Variants in DLG2 observed in about 807,000 individuals in gnomAD.
DLG2 encodes discs large MAGUK scaffold protein 2.
A neutral mutation model predicts 132.5 loss-of-function variants in DLG2; 45 were observed. The observed-to-expected ratio is 0.34, with a 90% confidence interval of 0.27 to 0.44. The LOEUF (loss-of-function observed/expected upper bound fraction) is 0.44, where lower values mean the gene tolerates loss of function less well. DLG2 is among the 20% of genes least tolerant of loss of function. DLG2 has a pLI of 1.00. For synonymous variants in DLG2, 424 were observed against 419.6 expected, an observed-to-expected ratio of 1.01 and a Z score of -0.13; for missense variants, 1,045 against 1,196.9, an observed-to-expected ratio of 0.87 and a Z score of 1.87.
intron 18 of DLG2, among the ~76,000 whole-genome samples, chr11:83,732,320 C>A (rs1363025094): frequency 6.6e-6 from 1 of 152,076 alleles, no homozygotes; most frequent in Non-Finnish European, 1.5e-5. Context: ...TAACATTCTC[C>A]CCTTACTCCA....
chr11:84,963,750 C>T (rs1293965702), intron 6 of DLG2, among the ~76,000 whole-genome samples: 1 of 152,110 alleles, frequency 6.6e-6, no homozygotes, highest in Non-Finnish European at 1.5e-5. Context: ...TTGTCATGCT[C>T]GTGATTATCA....
At chr11:83,858,122 C>T (rs2037197) in intron 16 of DLG2, among the ~76,000 whole-genome samples, 41,080 of 152,010 alleles carry the variant, frequency 0.27, 6,574 homozygotes, top group African/African-American at 0.43. Flanking sequence ...AGCTGGGGCA[C>T]CCCAAATATG....
intron 6 of DLG2, among the ~76,000 whole-genome samples, chr11:85,075,626 A>T (rs2066432283): frequency 6.6e-6 from 1 of 151,936 alleles, no homozygotes; most frequent in South Asian, 2.1e-4. Flanking sequence ...ATACTCACAT[A>T]TGCACACAAC....
intron 6 of DLG2, among the ~76,000 whole-genome samples, chr11:84,880,949 G>C (rs1438778961): frequency 6.6e-6 from 1 of 152,098 alleles, no homozygotes. Context: ...TCTAATAGTA[G>C]GGTTACAGAG....
chr11:85,515,364 C>T (rs559911732), intron 3 of DLG2, among the ~76,000 whole-genome samples: 14 of 152,010 alleles, frequency 9.2e-5, no homozygotes, highest in African/African-American at 3.4e-4. Context: ...ATGATTAATA[C>T]GTGGTTAAAC....
At chr11:83,587,102 A>G (rs1210767757) in intron 19 of DLG2, among the ~76,000 whole-genome samples, 1 of 152,218 alleles carries the variant, frequency 6.6e-6, no homozygotes, top group Non-Finnish European at 1.5e-5. Flanking sequence ...TAAAGTGCCT[A>G]ACACAGAGCA....
In DLG2 at chr11:84,246,484, A is replaced by G. The variant is rs931862587; in HGVS notation, c.573+4754T>C. ...AAGAATAGTGATGCTGACAATTCAG[A>G]AATGCTTAAGAGAAGCCCTAAAGTG... is the stretch of plus-strand genomic sequence containing the variant. On this transcript the variant is annotated intron_variant, in intron 8 of 27. Coordinates refer to ENST00000376104, the MANE Select transcript of DLG2 (RefSeq NM_001142699.3). 1.3e-5 allele frequency among the ~76,000 whole-genome samples: 2 copies of G among 152,218 alleles called. 1 individual carries two copies. Among genetic ancestry groups the G allele is most frequent in the Admixed American group, 1.3e-4 (2 of 15,282 alleles).
intron 6 of DLG2, among the ~76,000 whole-genome samples, chr11:84,999,061 T>C (rs747916308): frequency 2.0e-5 from 3 of 151,982 alleles, no homozygotes; most frequent in Non-Finnish European, 4.4e-5. Context: ...TAGATCAGAA[T>C]CTTGGATTCA....
At chr11:84,538,386 A>G (rs980370289) in intron 6 of DLG2, among the ~76,000 whole-genome samples, 1 of 152,168 alleles carries the variant, frequency 6.6e-6, no homozygotes, top group Non-Finnish European at 1.5e-5. Flanking sequence ...ATATCTGCAT[A>G]CTTTTCAGGA....
intron 6 of DLG2, among the ~76,000 whole-genome samples, chr11:84,940,998 G>T (rs190692628): frequency 1.3e-5 from 2 of 152,212 alleles, no homozygotes; most frequent in East Asian, 3.9e-4. Context: ...TTTCCCCAAT[G>T]TATGTTCTTG....
At chr11:84,829,139 T>G (rs1370256291) in intron 6 of DLG2, among the ~76,000 whole-genome samples, 1 of 151,668 alleles carries the variant, frequency 6.6e-6, no homozygotes, top group Admixed American at 6.6e-5. Context: ...AATCTTATGG[T>G]AGATTATTGT....
intron 6 of DLG2, among the ~76,000 whole-genome samples, chr11:84,914,184 G>A (rs11825345): frequency 0.027 from 4,039 of 152,108 alleles, 138 homozygotes; most frequent in African/African-American, 0.082. Flanking sequence ...TTAAAGAAAG[G>A]TATTCCCTTG....
At chr11:84,993,950 G>C (rs1209266824) in intron 6 of DLG2, among the ~76,000 whole-genome samples, 1 of 152,094 alleles carries the variant, frequency 6.6e-6, no homozygotes, top group Admixed American at 6.6e-5. Flanking sequence ...CGCTCCCTCA[G>C]ACAGGTGCAG....
At chr11:85,498,198 A>C (rs1317204928) in intron 3 of DLG2, among the ~76,000 whole-genome samples, 2 of 152,194 alleles carry the variant, frequency 1.3e-5, no homozygotes. Context: ...TGATGTGCAA[A>C]TACACACACA....
intron 6 of DLG2, among the ~76,000 whole-genome samples, chr11:84,928,102 T>G (rs572575792): frequency 6.6e-6 from 1 of 151,874 alleles, no homozygotes; most frequent in African/African-American, 2.4e-5. Context: ...GAGGAAAGTA[T>G]AGAAAACAAA....
intron 6 of DLG2, among the ~76,000 whole-genome samples, chr11:84,992,398 TTTAAG>T (rs2057215548): frequency 6.6e-6 from 1 of 152,164 alleles, no homozygotes; most frequent in Non-Finnish European, 1.5e-5. Flanking sequence ...AAAAAATATT[TTTAAG>T]TAAATATATC....
intron 7 of DLG2, among the ~76,000 whole-genome samples, chr11:84,432,044 C>G (rs1452038425): frequency 6.6e-6 from 1 of 152,146 alleles, no homozygotes; most frequent in Non-Finnish European, 1.5e-5. Flanking sequence ...TCATTCATTT[C>G]AAATCTACTG....
intron 7 of DLG2, among the ~76,000 whole-genome samples, chr11:84,355,736 T>G (rs2098607543): frequency 6.6e-6 from 1 of 152,064 alleles, no homozygotes; most frequent in Non-Finnish European, 1.5e-5. Flanking sequence ...AGGACCTTCC[T>G]CTCAAAGCCA....
intron 3 of DLG2, among the ~76,000 whole-genome samples, chr11:85,377,640 T>C (rs2085509225): frequency 6.6e-6 from 1 of 151,920 alleles, no homozygotes. Flanking sequence ...TTCATTCAAG[T>C]TTGCTCATTG....
Sources: gnomAD v4.1 joint callset for allele counts (sites outside exome capture counted in the v4.1 genomes callset) on GRCh38, gnomAD v4.1.1 for gene constraint, MANE v1.5 for transcripts, NCBI Gene and HGNC (gene_info 2026-07-23, HGNC 2026-07-21) for gene names.